The following PPP6R3 variants were observed in gnomAD, a reference collection of about 807,000 sequenced individuals.
The protein encoded by PPP6R3 is serine/threonine-protein phosphatase 6 regulatory subunit 3.
In PPP6R3, 38 loss-of-function variants were observed where a neutral mutation model predicts 110.7. The ratio of observed to expected loss-of-function variants is 0.34; its 90% CI spans 0.26 to 0.45. The LOEUF (loss-of-function observed/expected upper bound fraction) is 0.45. Ranked by LOEUF, PPP6R3 falls within the 20% of genes least tolerant of loss-of-function variation. PPP6R3 has a pLI of 1.00. For missense variants in PPP6R3, 870 were observed against 1,062.4 expected (o/e 0.82, Z 2.52); for synonymous variants, 369 against 373.5 (o/e 0.99, Z 0.14).
intron 1 of PPP6R3, among the ~76,000 whole-genome samples, chr11:68,502,040 A>G (rs970217259): frequency 1.3e-5 from 2 of 152,218 alleles, no homozygotes; most frequent in Admixed American, 6.5e-5. Context: ...ACGTGTTGAC[A>G]CTATTAAGTG....
rs1333727082 is a variant in PPP6R3 at position 68,571,064 on chromosome 11, G to A, written c.1303G>A (p.Glu435Lys). ...KHLFQKCQLIERILEAWEMNE... is the reference protein window; with the variant it reads ...KHLFQKCQLIKRILEAWEMNE... ...GCTTTTCCAAAAATGTCAATTAATAGAACGAATACTTGAAGCCTGGGAAAT... is the reference window on the plus strand; with the variant it reads ...GCTTTTCCAAAAATGTCAATTAATAAAACGAATACTTGAAGCCTGGGAAAT... Residue 435 changes from glutamate (E) to lysine (K), a missense_variant, in exon 12 of 24, where the codon GAA (glutamate) becomes AAA (lysine). By Grantham distance (56) the Glu-to-Lys change is moderately conservative. Coordinates refer to ENST00000393800, the MANE Select transcript of PPP6R3 (RefSeq NM_001164161.2). The A allele has an allele frequency of 6.3e-7, 1 of 1,584,132 alleles. No individual in the cohort carries two copies. The highest frequency in any genetic ancestry group is 1.7e-4 in the Middle Eastern group (1 of 5,970).
At chr11:68,548,762 T>C (rs1229814654) in intron 5 of PPP6R3, among the ~76,000 whole-genome samples, 1 of 152,170 alleles carries the variant, frequency 6.6e-6, no homozygotes, top group African/African-American at 2.4e-5. Flanking sequence ...ATTTTTAGGA[T>C]GTGTGCCTCT....
At chr11:68,569,379 A>G (rs1189128517) in intron 10 of PPP6R3, among the ~76,000 whole-genome samples, 2 of 152,234 alleles carry the variant, frequency 1.3e-5, no homozygotes, top group Admixed American at 6.5e-5. Context: ...TTTCCTATAC[A>G]TACCTGTGAC....
At chr11:68,546,269 G>A (rs773316211) in intron 4 of PPP6R3, among the ~76,000 whole-genome samples, 3 of 152,174 alleles carry the variant, frequency 2.0e-5, no homozygotes, top group Non-Finnish European at 2.9e-5. Context: ...TTTTAGGAGA[G>A]TGGAAGCCAT....
At chr11:68,503,529 T>C (rs1258298855) in intron 1 of PPP6R3, among the ~76,000 whole-genome samples, 1 of 151,802 alleles carries the variant, frequency 6.6e-6, no homozygotes, top group East Asian at 1.9e-4. Context: ...AAACAACGAG[T>C]GTGTGACATC....
chr11:68,506,183 A>C (rs960429181), intron 1 of PPP6R3, among the ~76,000 whole-genome samples: 2 of 149,962 alleles, frequency 1.3e-5, no homozygotes, highest in Non-Finnish European at 3.0e-5. Context: ...TCCCACCCTT[A>C]GGCTTGAGTT....
intron 20 of PPP6R3, among the ~76,000 whole-genome samples, chr11:68,601,013 A>G (rs373300981): frequency 3.0e-4 from 46 of 152,340 alleles, no homozygotes; most frequent in African/African-American, 1.1e-3. Flanking sequence ...ATAGGAAGAC[A>G]AGCTGTTTTG....
chr11:68,583,010 G>A (rs775424852), intron 14 of PPP6R3, 33 bp from the exon 15 acceptor site: 84 of 1,391,738 alleles, frequency 6.0e-5, no homozygotes, highest in Admixed American at 7.7e-5. Flanking sequence ...ACTTTTCTAT[G>A]TTAAATAGTC....
intron 1 of PPP6R3, among the ~76,000 whole-genome samples, chr11:68,464,700 CT>C (rs1243062330): frequency 6.6e-6 from 1 of 152,048 alleles, no homozygotes; most frequent in African/African-American, 2.4e-5. Flanking sequence ...TATCTTAGGA[CT>C]TTTTTTTCTT....
intron 1 of PPP6R3, among the ~76,000 whole-genome samples, chr11:68,477,734 AAAAAAAAATATAT>A (rs1192187609): frequency 4.9e-5 from 4 of 81,916 alleles, no homozygotes; most frequent in African/African-American, 1.8e-4. Context: ...CTCTTAAAAA[AAAAAAAAATATAT>A]ATATATATAT....
intron 12 of PPP6R3, among the ~76,000 whole-genome samples, chr11:68,573,141 TATATATATATATAA>T (rs1245145330): frequency 2.6e-4 from 31 of 117,536 alleles, no homozygotes; most frequent in Middle Eastern, 4.2e-3. Flanking sequence ...TATATATATA[TATATATATATATAA>T]TTTTTTTTTT....
chr11:68,595,759 A>T (rs1050938506), intron 18 of PPP6R3, among the ~76,000 whole-genome samples: 4 of 152,236 alleles, frequency 2.6e-5, no homozygotes, highest in Non-Finnish European at 4.4e-5. Context: ...GCAAATAAGC[A>T]TTTAAAAAGA....
At chr11:68,492,918 A>G (rs1226279301) in intron 1 of PPP6R3, among the ~76,000 whole-genome samples, 2 of 152,152 alleles carry the variant, frequency 1.3e-5, no homozygotes. Context: ...TTTTCTTCCT[A>G]CCATTCTTGG....
At chr11:68,556,680 A>T (rs2099400849) in intron 7 of PPP6R3, among the ~76,000 whole-genome samples, 1 of 152,208 alleles carries the variant, frequency 6.6e-6, no homozygotes, top group Non-Finnish European at 1.5e-5. Context: ...TTAAAATGTG[A>T]AAATGAATAT....
At chr11:68,474,474 A>C (rs2098814338) in intron 1 of PPP6R3, among the ~76,000 whole-genome samples, 1 of 152,012 alleles carries the variant, frequency 6.6e-6, no homozygotes, top group Non-Finnish European at 1.5e-5. Flanking sequence ...AACTTACCTA[A>C]TGCCTTATGA....
chr11:68,600,247 C>G, intron 19 of PPP6R3, 94 bp from the exon 20 acceptor site: 1 of 1,399,436 alleles, frequency 7.1e-7, no homozygotes, highest in Non-Finnish European at 1.0e-6. Context: ...TCCCACAGCT[C>G]CAGTCTCTTT....
chr11:68,496,758 T>TCTACTGTG (rs1297627190), intron 1 of PPP6R3, among the ~76,000 whole-genome samples: 1 of 152,072 alleles, frequency 6.6e-6, no homozygotes, highest in Non-Finnish European at 1.5e-5. Flanking sequence ...ATTACAGCAG[T>TCTACTGTG]CTACTGTGCC....
At chr11:68,461,588 C>T (rs563746484) in intron 1 of PPP6R3, among the ~76,000 whole-genome samples, 2 of 152,194 alleles carry the variant, frequency 1.3e-5, no homozygotes, top group African/African-American at 4.8e-5. Context: ...TGTTGAGGTC[C>T]TGCTGGCTGT....
chr11:68,599,170 TC>T lies in PPP6R3; in HGVS notation c.2039-1169del, dbSNP rs201724913. ...TTATACCAGTTTCCCTAGCATTCCT[TC>T]CTGCAACCTAGAGATTCCTAATTAT... On this transcript the variant is annotated intron_variant, in intron 19 of 23. Transcript: ENST00000393800. Among the ~76,000 whole-genome samples the T allele has an allele frequency of 7.7e-3, 1,178 of 152,374 alleles. 19 individuals are homozygous for T. The highest frequency in any genetic ancestry group is 0.027 in the African/African-American group (1,114 of 41,584).
Sources: allele counts gnomAD v4.1 joint callset (sites outside exome capture counted in the v4.1 genomes callset), GRCh38; gene constraint gnomAD v4.1.1; transcripts MANE v1.5; gene names NCBI Gene and HGNC (gene_info 2026-07-23, HGNC 2026-07-21).